TENM1: variants seen among roughly 807,000 people sequenced by gnomAD.
TENM1 encodes the protein teneurin transmembrane protein 1.
Under a neutral mutation model 174.8 loss-of-function variants are expected in TENM1, and 35 were observed. That is an observed-to-expected ratio of 0.20 (90% CI 0.15 to 0.27). The LOEUF is 0.27. TENM1 is among the 10% of genes least tolerant of loss of function. The probability of loss-of-function intolerance (pLI) is 1.00; values close to 1 mark genes in which losing one functional copy is unlikely to be tolerated. For synonymous variants in TENM1, 781 were observed against 798.7 expected (o/e 0.98, Z 0.37); for missense variants, 1,633 against 2,130.1 (o/e 0.77, Z 4.59).
intron 23 of TENM1, among the ~76,000 whole-genome samples, chrX:124,444,195 G>A (rs2060941018): frequency 9.0e-6 from 1 of 111,652 alleles, no homozygotes; most frequent in Non-Finnish European, 1.9e-5. Flanking sequence ...GCGACACAAG[G>A]CTGGGAAGGA....
chrX:124,603,760 C>T (rs899825502), intron 11 of TENM1, among the ~76,000 whole-genome samples: 37 of 111,798 alleles, frequency 3.3e-4, no homozygotes, highest in African/African-American at 9.7e-4. Context: ...ACAATAGACA[C>T]AAATCTGTAT....
chrX:125,017,291 G>A, the TENM1 span, among the ~76,000 whole-genome samples: 1 of 111,974 alleles, frequency 8.9e-6, no homozygotes, highest in South Asian at 3.7e-4. Context: ...TACAGAATGG[G>A]AGAAAATTTT....
chrX:124,482,141 G>GAAA (rs2147938016), intron 21 of TENM1, among the ~76,000 whole-genome samples, 177 bp from the exon 25 acceptor site: 2 of 110,771 alleles, frequency 1.8e-5, no homozygotes, highest in East Asian at 5.7e-4. Context: ...GTCTAGGTAT[G>GAAA]AAACAAATCT....
At chrX:124,957,890 A>G (rs1301692484) in intron 1 of TENM1, among the ~76,000 whole-genome samples, 1 of 111,660 alleles carries the variant, frequency 9.0e-6, no homozygotes, top group Non-Finnish European at 1.9e-5. Flanking sequence ...ATATTCAAAA[A>G]CTAATCTTAT....
At chrX:124,977,585 T>A in the TENM1 span, among the ~76,000 whole-genome samples, 1 of 110,893 alleles carries the variant, frequency 9.0e-6, no homozygotes. Flanking sequence ...TCCATCACCC[T>A]AAAAATAATT....
chrX:124,551,015 C>A (rs1432108697), intron 14 of TENM1, among the ~76,000 whole-genome samples: 1 of 112,737 alleles, frequency 8.9e-6, no homozygotes, highest in Non-Finnish European at 1.9e-5. Flanking sequence ...CTGCCTTGGC[C>A]TCCCAAACTG....
chrX:125,080,771 G>C, the TENM1 span, among the ~76,000 whole-genome samples: 1 of 110,363 alleles, frequency 9.1e-6, no homozygotes, highest in Non-Finnish European at 1.9e-5. Flanking sequence ...ATCTACTGGA[G>C]ATGAGAAAGA....
At chrX:125,191,267 T>C in the TENM1 span, among the ~76,000 whole-genome samples, 2 of 112,158 alleles carry the variant, frequency 1.8e-5, no homozygotes, top group Non-Finnish European at 3.8e-5. Context: ...ATGTCCTTAT[T>C]AGTCATTCAT....
At chrX:124,836,746 T>C (rs1455107035) in intron 3 of TENM1, among the ~76,000 whole-genome samples, 2 of 112,551 alleles carry the variant, frequency 1.8e-5, no homozygotes, top group Non-Finnish European at 1.9e-5. Context: ...TCTTAGATGA[T>C]GAAATTGAGA....
chrX:124,999,622 C>A, the TENM1 span, among the ~76,000 whole-genome samples: 1 of 110,913 alleles, frequency 9.0e-6, no homozygotes, highest in Non-Finnish European at 1.9e-5. Context: ...ACTCAGATTA[C>A]ATGGGGAGGG....
Position 124,772,405 on chromosome X carries a change from G to C in TENM1, c.536-35208C>G, listed in dbSNP as rs1008809072. 7.1e-5 allele frequency among the ~76,000 whole-genome samples: 8 copies of C among 111,976 alleles called. No individual in the cohort carries two copies. In the Admixed American group the frequency reaches 7.6e-4, roughly 11 times the overall value. Reference sequence around the variant, plus strand: ...CCCTCCTTGGCTTCGAAAGTGCTGGGATAACAAGCGTGAGCCACCGTTCCC... The same window carrying C: ...CCCTCCTTGGCTTCGAAAGTGCTGGCATAACAAGCGTGAGCCACCGTTCCC... On this transcript the variant is annotated intron_variant, in intron 3 of 31. Transcript: ENST00000422452.
At chrX:124,465,574 T>C (rs2061232369) in intron 22 of TENM1, among the ~76,000 whole-genome samples, 1 of 111,807 alleles carries the variant, frequency 8.9e-6, no homozygotes, top group East Asian at 2.8e-4. Context: ...TATTCCTTGA[T>C]CTCTTATTTC....
At chrX:124,958,562 T>C (rs958232946) in intron 1 of TENM1, among the ~76,000 whole-genome samples, 2 of 111,578 alleles carry the variant, frequency 1.8e-5, no homozygotes, top group Non-Finnish European at 3.8e-5. Context: ...ATCATCACTC[T>C]CATGATGGCA....
At chrX:125,014,870 A>G in the TENM1 span, among the ~76,000 whole-genome samples, 2 of 112,112 alleles carry the variant, frequency 1.8e-5, no homozygotes, top group East Asian at 5.6e-4. Context: ...AACACTCTCA[A>G]TGGAGTTCAG....
chrX:124,922,265 G>A (rs753165633), intron 1 of TENM1, among the ~76,000 whole-genome samples: 3 of 111,152 alleles, frequency 2.7e-5, no homozygotes, highest in Non-Finnish European at 3.8e-5. Flanking sequence ...CGATATAGAT[G>A]AGAAAACCAT....
chrX:124,599,928 G>A (rs995384877), intron 11 of TENM1, among the ~76,000 whole-genome samples: 1 of 110,461 alleles, frequency 9.1e-6, no homozygotes, highest in Admixed American at 9.7e-5. Flanking sequence ...ACTGGAGTTG[G>A]AGGTAATAAT....
intron 1 of TENM1, among the ~76,000 whole-genome samples, chrX:124,896,973 AC>A (rs1350859864): frequency 9.0e-6 from 1 of 111,652 alleles, no homozygotes; most frequent in Non-Finnish European, 1.9e-5. Flanking sequence ...AATTTTCAGA[AC>A]CTTAAAGATG....
At chrX:124,964,364 A>C (rs1273458738), upstream of TENM1, among the ~76,000 whole-genome samples, 1 of 111,620 alleles carries the variant, frequency 9.0e-6, no homozygotes, top group Non-Finnish European at 1.9e-5. Context: ...AGGGGGACTG[A>C]ACTCTTTGTG....
rs1349853283 is a variant in TENM1 at position 124,410,214 on chromosome X, T to C, written c.4983-3725A>G. 2.3e-3 allele frequency among the ~76,000 whole-genome samples: 251 copies of C among 111,321 alleles called. 1 individual carries two copies. Among genetic ancestry groups the C allele is most frequent in the African/African-American group, 7.9e-3 (241 of 30,637 alleles). On this transcript the variant is annotated intron_variant, in intron 25 of 31. Coordinates refer to ENST00000422452, the Ensembl canonical transcript of TENM1. Reference sequence around the variant, plus strand: ...AGAACAGAGCCCTCAGAAATAATGCTGCATATCTACAACTATCTGATCTTT... The same window carrying C: ...AGAACAGAGCCCTCAGAAATAATGCCGCATATCTACAACTATCTGATCTTT...
Sources: gnomAD v4.1 joint callset for allele counts (sites outside exome capture counted in the v4.1 genomes callset) on GRCh38, gnomAD v4.1.1 for gene constraint, MANE v1.5 for transcripts, NCBI Gene and HGNC (gene_info 2026-07-23, HGNC 2026-07-21) for gene names.